Variants in USP49 observed in about 807,000 individuals in gnomAD.
USP49 encodes ubiquitin specific peptidase 49, also known as ubiquitin carboxyl-terminal hydrolase 49.
Under a neutral mutation model 58.6 loss-of-function variants are expected in USP49, and 24 were observed. That is an observed-to-expected ratio of 0.41 (90% CI 0.30 to 0.58). USP49 has a LOEUF of 0.58. Ranked by LOEUF, USP49 falls within the 20% of genes least tolerant of loss-of-function variation. USP49 has a pLI of 0.30. For synonymous variants in USP49, 408 were observed against 365.1 expected, an observed-to-expected ratio of 1.12 and a Z score of -1.34; for missense variants, 703 against 866.1, an observed-to-expected ratio of 0.81 and a Z score of 2.36.
chr6:41,855,183 C>CT (rs567075350), intron 3 of USP49, among the ~76,000 whole-genome samples: 2,970 of 142,990 alleles, frequency 0.021, 39 homozygotes, highest in South Asian at 0.066. Flanking sequence ...GCTATAGAGA[C>CT]TTTTTTTTTT....
intron 3 of USP49, among the ~76,000 whole-genome samples, chr6:41,817,318 T>C (rs1029158408): frequency 6.7e-6 from 1 of 149,590 alleles, no homozygotes; most frequent in Non-Finnish European, 1.5e-5. Context: ...CAGCTAATTT[T>C]TGTATTTTGA....
intron 3 of USP49, among the ~76,000 whole-genome samples, chr6:41,807,960 T>C (rs906484598): frequency 6.6e-6 from 1 of 151,650 alleles, no homozygotes; most frequent in Non-Finnish European, 1.5e-5. Context: ...GTATTTTTAG[T>C]AGAGACGAGA....
At chr6:41,866,266 ACT>A (rs1300534030) in intron 3 of USP49, among the ~76,000 whole-genome samples, 1 of 151,892 alleles carries the variant, frequency 6.6e-6, no homozygotes, top group Non-Finnish European at 1.5e-5. Context: ...ATGTCAAGCC[ACT>A]CTATCCTCAG....
At chr6:41,829,617 C>T (rs1256008246) in intron 3 of USP49, among the ~76,000 whole-genome samples, 4 of 152,152 alleles carry the variant, frequency 2.6e-5, no homozygotes, top group Admixed American at 6.5e-5. Context: ...CTGGCGGATT[C>T]TCTTGAATTT....
In USP49 at chr6:41,806,336, G is replaced by T; in HGVS notation, c.648C>A (p.Pro216=). 6.5e-7 allele frequency: 1 copy of T among 1,530,698 alleles called. No homozygotes were observed. The highest frequency in any genetic ancestry group is 8.7e-7 in the Non-Finnish European group (1 of 1,149,926). The allele number at this position is 1,530,698 out of a possible 1,614,324, so 94.8% of individuals were successfully genotyped here. Reference sequence around the variant, plus strand: ...GCGAGGCAGCCGGGCCCGCGTCGCGGGGCGTGTGCAGGAGCAGCCGTGCAC... The same window carrying T: ...GCGAGGCAGCCGGGCCCGCGTCGCGTGGCGTGTGCAGGAGCAGCCGTGCAC... ...RKSARLLLHT[P]RDAGPAASRP... The change falls in exon 4 of 8, where the codon CCC becomes CCA. Residue 216 remains proline, a synonymous_variant. Transcript: ENST00000682992. The surrounding 1 kb of genome is among the most constrained non-coding windows in gnomAD (Gnocchi z 5.9).
chr6:41,876,058 A>G (rs1774499462), intron 2 of USP49, among the ~76,000 whole-genome samples: 2 of 152,206 alleles, frequency 1.3e-5, no homozygotes, highest in African/African-American at 4.8e-5. Flanking sequence ...ATAAGCTCAC[A>G]TAGCAAAATG....
chr6:41,872,373 G>A (rs373054863), intron 2 of USP49, among the ~76,000 whole-genome samples: 28 of 149,898 alleles, frequency 1.9e-4, no homozygotes, highest in African/African-American at 6.9e-4. Context: ...CCGGCCGGGC[G>A]TCCGCCGCCC....
intron 7 of USP49, chr6:41,797,952 C>A: frequency 2.3e-6 from 1 of 431,486 alleles, no homozygotes; most frequent in Non-Finnish European, 3.1e-6. Context: ...ATTGCAACTT[C>A]AAACTCCTGG....
At chr6:41,796,764 A>G (rs1772893643) in intron 7 of USP49, 41 bp from the exon 8 acceptor site, 2 of 707,708 alleles carry the variant, frequency 2.8e-6, no homozygotes, top group Admixed American at 4.2e-5. Context: ...ATGACTACCC[A>G]ATTCATATTT....
At chr6:41,854,576 G>C (rs1162244341) in intron 3 of USP49, among the ~76,000 whole-genome samples, 1 of 152,110 alleles carries the variant, frequency 6.6e-6, no homozygotes, top group Non-Finnish European at 1.5e-5. Flanking sequence ...TCTTTATTAA[G>C]AGATTATATG....
chr6:41,799,079 CTT>C (rs1039328023), intron 6 of USP49, 150 bp from the exon 7 acceptor site: 18 of 360,702 alleles, frequency 5.0e-5, no homozygotes, highest in African/African-American at 2.6e-4. Context: ...AATGTTCACA[CTT>C]ATTTATTTAT....
At chr6:41,857,350 A>G (rs944877977) in intron 3 of USP49, among the ~76,000 whole-genome samples, 2 of 152,188 alleles carry the variant, frequency 1.3e-5, no homozygotes, top group Non-Finnish European at 2.9e-5. Context: ...GTATCTTACT[A>G]TAGAAAGATC....
intron 2 of USP49, among the ~76,000 whole-genome samples, chr6:41,873,766 G>C (rs1774455746): frequency 6.6e-6 from 1 of 152,184 alleles, no homozygotes; most frequent in African/African-American, 2.4e-5. Flanking sequence ...AAAGCCCTAG[G>C]AAAGTTATAT....
At chr6:41,820,925 C>T (rs955278792) in intron 3 of USP49, among the ~76,000 whole-genome samples, 4 of 152,000 alleles carry the variant, frequency 2.6e-5, no homozygotes, top group African/African-American at 9.7e-5. Context: ...TGATTGAGCC[C>T]GAGAGGTTGA....
chr6:41,842,862 A>G (rs1264252735), intron 3 of USP49, among the ~76,000 whole-genome samples: 1 of 149,558 alleles, frequency 6.7e-6, no homozygotes, highest in Non-Finnish European at 1.5e-5. Context: ...TACTATATAT[A>G]TGAAAACTAT....
At chr6:41,812,720 A>C (rs1255005267) in intron 3 of USP49, among the ~76,000 whole-genome samples, 1 of 152,138 alleles carries the variant, frequency 6.6e-6, no homozygotes, top group African/African-American at 2.4e-5. Flanking sequence ...ACATTAATCC[A>C]GTAAATTGTA....
At chr6:41,871,004 T>C (rs978459101) in intron 3 of USP49, among the ~76,000 whole-genome samples, 2 of 151,472 alleles carry the variant, frequency 1.3e-5, no homozygotes, top group East Asian at 3.9e-4. Context: ...TGAGCCACGA[T>C]CACACCACTG....
Position 41,806,650 on chromosome 6 carries a change from T to C in USP49, c.334A>G (p.Arg112Gly), listed in dbSNP as rs1773140296. The C allele has an allele frequency of 4.3e-6, 7 of 1,613,810 alleles. No individual in the cohort carries two copies. Among genetic ancestry groups the C allele is most frequent in the Non-Finnish European group, 5.9e-6 (7 of 1,180,018 alleles). The change falls in exon 4 of 8, where the codon AGA becomes GGA. Residue 112 changes from arginine (R) to glycine (G), a missense_variant. Physicochemically the swap from Arg to Gly is moderately radical, Grantham distance 125. Around this residue, in one of 6 missense-constraint regions of USP49, gnomAD observed 376 missense variants for 373.5 expected, o/e 1.01. Coordinates refer to ENST00000682992, the MANE Select transcript of USP49 (RefSeq NM_001286554.2). This position sits in a 1 kb window ranked among gnomAD's most constrained non-coding sequence, Gnocchi z 5.9. The stretch of plus-strand genomic sequence containing the variant: ...ATGGACCGCAGCGTCCGCCCACGTC[T>C]CACCGGCGTGTCCTGTTTCTGGCCC... ...VRGQKQDTPV[R>G]RGRTLRSMAS...
intron 1 of USP49, 86 bp from the exon 2 acceptor site, chr6:41,891,961 GATT>G (rs1409387625): frequency 1.3e-5 from 2 of 152,156 alleles, no homozygotes; most frequent in Admixed American, 6.5e-5. Context: ...TAGCAAATAA[GATT>G]ATAACCAAAA....
Sources: gnomAD v4.1 joint callset for allele counts (sites outside exome capture counted in the v4.1 genomes callset) on GRCh38, gnomAD v4.1.1 for gene constraint, gnomAD v4.1.1 regional missense constraint, Gnocchi (gnomAD v3.1) non-coding constraint, MANE v1.5 for transcripts, NCBI Gene and HGNC (gene_info 2026-07-23, HGNC 2026-07-21) for gene names.